Variants in IP6K3 observed in about 807,000 individuals in gnomAD.
IP6K3 encodes ATP:1D-myo-inositol-hexakisphosphate phosphotransferase.
Under a neutral mutation model 28.8 loss-of-function variants are expected in IP6K3, and 20 were observed. That is an observed-to-expected ratio of 0.70 (90% CI 0.49 to 1.01). IP6K3 has a LOEUF of 1.01. IP6K3 is among the 50% of genes least tolerant of loss of function. The pLI is 0.00. For synonymous variants in IP6K3, 213 were observed against 221.3 expected, an observed-to-expected ratio of 0.96 and a Z score of 0.33; for missense variants, 480 against 537.1, an observed-to-expected ratio of 0.89 and a Z score of 1.05.
chr6:33,755,313 G>C, the IP6K3 span, among the ~76,000 whole-genome samples: 15 of 152,354 alleles, frequency 9.8e-5, no homozygotes, highest in African/African-American at 3.6e-4. Flanking sequence ...TCCAGCCCCT[G>C]CAGGTGCAGA....
the IP6K3 span, among the ~76,000 whole-genome samples, chr6:33,759,509 C>T: frequency 3.3e-5 from 5 of 152,146 alleles, no homozygotes; most frequent in Admixed American, 2.6e-4. Context: ...GGTTTACAGG[C>T]GTGAGTCACT....
rs1405234041 is a variant in IP6K3 at position 33,723,150 on chromosome 6, T to G, written c.803A>C (p.Asp268Ala). ...TGAGAGTTTTCTTCCATAGTACTTG[T>G]CTTTGCAGAGAAAGTACTTCTTATC... ...QTDKKYFLCK[D>A]KYYGRKLSVE... Residue 268 changes from aspartate (D) to alanine (A), a missense_variant, in exon 6 of 6, where the codon GAC (aspartate) becomes GCC (alanine). By Grantham distance (126) the Asp-to-Ala change is moderately radical (BLOSUM62 -2). Transcript: ENST00000293756. The G allele has an allele frequency of 1.2e-6, 2 of 1,601,458 alleles. No homozygotes were observed. Among genetic ancestry groups the G allele is most frequent in the African/African-American group, 2.7e-5 (2 of 74,348 alleles).
intron 2 of IP6K3, among the ~76,000 whole-genome samples, chr6:33,733,283 A>G (rs1019337581): frequency 1.3e-5 from 2 of 152,244 alleles, no homozygotes; most frequent in Non-Finnish European, 2.9e-5. Context: ...CAGAGCCCCA[A>G]GGGGGCTGGC....
intron 1 of IP6K3, among the ~76,000 whole-genome samples, chr6:33,741,645 C>CAAAAAAA (rs11403411): frequency 3.4e-5 from 1 of 29,382 alleles, no homozygotes; most frequent in Non-Finnish European, 5.1e-5. Flanking sequence ...GACTCCATCT[C>CAAAAAAA]AAAAAAAAAA....
chr6:33,745,380 G>A (rs1179739409), intron 1 of IP6K3, among the ~76,000 whole-genome samples: 1 of 152,204 alleles, frequency 6.6e-6, no homozygotes, highest in Non-Finnish European at 1.5e-5. Flanking sequence ...GGGCAGGGAT[G>A]CAGGGAAGTG....
chr6:33,736,244 C>T (rs545295473), intron 1 of IP6K3, among the ~76,000 whole-genome samples: 15 of 152,326 alleles, frequency 9.8e-5, no homozygotes, highest in African/African-American at 3.4e-4. Context: ...TACTAAGCTT[C>T]TAGAGTGCAG....
chr6:33,756,247 T>C, the IP6K3 span, among the ~76,000 whole-genome samples: 258 of 151,916 alleles, frequency 1.7e-3, no homozygotes, highest in African/African-American at 6.1e-3. Context: ...AATGATGGGG[T>C]GTATTGGGGG....
intron 4 of IP6K3, 116 bp from the exon 5 acceptor site, chr6:33,725,732 A>C: frequency 1.2e-6 from 1 of 816,134 alleles, no homozygotes; most frequent in Non-Finnish European, 1.9e-6. Flanking sequence ...ACCATTCTTC[A>C]CTCCCATTGC....
intron 5 of IP6K3, among the ~76,000 whole-genome samples, chr6:33,723,447 C>G (rs1286561595): frequency 6.6e-6 from 1 of 152,188 alleles, no homozygotes. Flanking sequence ...GACCCTCCAC[C>G]CACGAGGAAA....
chr6:33,732,025 C>T (rs1453005447), intron 2 of IP6K3, among the ~76,000 whole-genome samples: 1 of 152,296 alleles, frequency 6.6e-6, no homozygotes, highest in South Asian at 2.1e-4. Context: ...CCTGAGCCTC[C>T]GTGAATATTC....
At chr6:33,723,223 G>A (rs778004108) in intron 5 of IP6K3, 36 bp from the exon 6 acceptor site, 27 of 1,411,392 alleles carry the variant, frequency 1.9e-5, no homozygotes, top group Non-Finnish European at 2.4e-5. Context: ...TGTGAAGATT[G>A]GAAACTTAAA....
At chr6:33,747,343 T>G (rs1766943240), upstream of IP6K3, among the ~76,000 whole-genome samples, 1 of 152,186 alleles carries the variant, frequency 6.6e-6, no homozygotes, top group South Asian at 2.1e-4. The surrounding 1 kb of genome is among the most constrained non-coding windows in gnomAD (Gnocchi z 5.2). Flanking sequence ...CGGCAAGACG[T>G]TCCATCAGTC....
intron 1 of IP6K3, among the ~76,000 whole-genome samples, chr6:33,736,865 C>T (rs1266509396): frequency 6.6e-6 from 1 of 152,176 alleles, no homozygotes; most frequent in Non-Finnish European, 1.5e-5. Context: ...ATACCCACCT[C>T]ATGGAGTTAG....
Position 33,742,450 on chromosome 6 carries a change from C to T in IP6K3, c.-180+4308G>A, listed in dbSNP as rs1363557826. 4.6e-5 allele frequency among the ~76,000 whole-genome samples: 7 copies of T among 152,244 alleles called. No individual in the cohort carries two copies. The South Asian group carries it at 1.0e-3, about 23-fold the overall frequency. On this transcript the variant is annotated intron_variant, in intron 1 of 5. Coordinates refer to ENST00000293756, the MANE Select transcript of IP6K3 (RefSeq NM_054111.5). The surrounding 1 kb of genome is among the most constrained non-coding windows in gnomAD (Gnocchi z 4.5). ...CTGCACCTGACTGGGCAGCAAGAAC[C>T]GCACACCCAGGGGCAGCATGCTGCT...
the IP6K3 span, among the ~76,000 whole-genome samples, chr6:33,753,099 T>C: frequency 6.6e-6 from 1 of 152,142 alleles, no homozygotes; most frequent in Admixed American, 6.5e-5. Flanking sequence ...GATTTTTTTG[T>C]AGAGTTGGGG....
At position 33,730,527 on chromosome 6, in the gene IP6K3, G is replaced by A. The variant is rs560930649; in HGVS notation, c.200-2227C>T. Among the ~76,000 whole-genome samples, 38 of 152,274 alleles carry A rather than the reference G, an allele frequency of 2.5e-4. No homozygotes were observed. The East Asian group carries it at 3.1e-3, about 12-fold the overall frequency. On this transcript the variant is annotated intron_variant, in intron 2 of 5. Transcript: ENST00000293756. ...ATTTTACCATTCACCTGCCACTAGC[G>A]TCCACCCCTAGGCCAAGCCCACTGT...
the IP6K3 span, among the ~76,000 whole-genome samples, chr6:33,758,588 G>GT: frequency 2.6e-5 from 4 of 151,906 alleles, no homozygotes; most frequent in African/African-American, 7.2e-5. Context: ...GAACCAAAAA[G>GT]TTTTTTTTGT....
intron 1 of IP6K3, among the ~76,000 whole-genome samples, chr6:33,741,919 C>T (rs1023835760): frequency 7.9e-4 from 120 of 151,914 alleles, no homozygotes; most frequent in Non-Finnish European, 1.6e-3. Flanking sequence ...CCATTGCACT[C>T]CAGCCTGGGC....
At chr6:33,743,431 A>G (rs986826081) in intron 1 of IP6K3, among the ~76,000 whole-genome samples, 8 of 152,112 alleles carry the variant, frequency 5.3e-5, no homozygotes, top group Non-Finnish European at 8.8e-5. Context: ...CCGAGGGAGC[A>G]TTTTTTAATC....
Sources: gnomAD v4.1 joint callset for allele counts (sites outside exome capture counted in the v4.1 genomes callset) on GRCh38, gnomAD v4.1.1 for gene constraint, Gnocchi (gnomAD v3.1) non-coding constraint, MANE v1.5 for transcripts, NCBI Gene and HGNC (gene_info 2026-07-23, HGNC 2026-07-21) for gene names.